The following GRIP1 variants were observed in gnomAD, a reference collection of about 807,000 sequenced individuals.
GRIP1 encodes glutamate receptor interacting protein 1.
GRIP1 carries 45 observed loss-of-function variants against 129.9 expected under a neutral mutation model. That is an observed-to-expected ratio of 0.35 (90% confidence interval 0.27 to 0.44). The LOEUF (loss-of-function observed/expected upper bound fraction) is 0.44. Ranked by LOEUF, GRIP1 falls within the 20% of genes least tolerant of loss-of-function variation. The pLI is 1.00. For missense variants in GRIP1, 1,196 were observed against 1,396.8 expected (o/e 0.86, Z 2.29); for synonymous variants, 530 against 520.8 (o/e 1.02, Z -0.24).
intron 1 of GRIP1, among the ~76,000 whole-genome samples, chr12:66,765,885 G>A (rs575615536): frequency 6.6e-6 from 1 of 152,310 alleles, no homozygotes; most frequent in South Asian, 2.1e-4. Flanking sequence ...AAGATGGGAG[G>A]AGAATGAACC....
intron 1 of GRIP1, among the ~76,000 whole-genome samples, chr12:66,604,172 G>C (rs561858878): frequency 6.6e-6 from 1 of 152,162 alleles, no homozygotes; most frequent in Non-Finnish European, 1.5e-5. Flanking sequence ...ACAGAACTGC[G>C]ATGGCCCCGG....
chr12:66,715,128 T>G (rs1291643417), intron 1 of GRIP1, among the ~76,000 whole-genome samples: 2 of 152,002 alleles, frequency 1.3e-5, no homozygotes, highest in African/African-American at 4.8e-5. Flanking sequence ...CCTTCTAACT[T>G]CTCAGCTGAA....
At position 66,602,848 on chromosome 12, in the gene GRIP1, C is replaced by CTTTTTTTTTTTTT. The variant is rs71436016; in HGVS notation, c.56-5934_56-5922dup. On this transcript the variant is annotated intron_variant, in intron 1 of 24. Coordinates refer to ENST00000359742, the MANE Select transcript of GRIP1 (RefSeq NM_001366722.1). ...ATTCCTAAAGGGACCAGATCTTTTG[C>CTTTTTTTTTTTTT]TTTTTTTTTTTTTTTTTTTTTTTTT... is the stretch of plus-strand genomic sequence containing the variant. 9.8e-5 allele frequency among the ~76,000 whole-genome samples: 7 copies of CTTTTTTTTTTTTT among 71,662 alleles called. 2 individuals are homozygous for CTTTTTTTTTTTTT. The highest frequency in any genetic ancestry group is 1.7e-4 in the Non-Finnish European group (6 of 35,824). The allele number at this position is 71,662 out of a possible 152,430, so 47.0% of individuals were successfully genotyped here. A position where few individuals can be genotyped will look rare whatever the true frequency, so the allele number is the denominator to read the frequency against.
intron 1 of GRIP1, among the ~76,000 whole-genome samples, chr12:66,803,428 T>C (rs2038912766): frequency 6.6e-6 from 1 of 152,218 alleles, no homozygotes; most frequent in Non-Finnish European, 1.5e-5. Context: ...AGAAAACTGC[T>C]AGTTCTCTTC....
At chr12:66,755,004 C>T (rs898222535) in intron 1 of GRIP1, among the ~76,000 whole-genome samples, 2 of 152,180 alleles carry the variant, frequency 1.3e-5, no homozygotes, top group East Asian at 1.9e-4. Context: ...TCTAAAATGC[C>T]ATTATATCTT....
In GRIP1 at chr12:66,894,168, G is replaced by C. The variant is rs528925269; in HGVS notation, c.58+174882C>G. Among the ~76,000 whole-genome samples, 10 of 152,228 alleles carry C rather than the reference G, an allele frequency of 6.6e-5. No homozygotes were observed. In the South Asian group the frequency reaches 8.3e-4, roughly 13 times the overall value. On this transcript the variant is annotated intron_variant, in intron 1 of 1. Coordinates refer to the GRIP1 transcript ENST00000643019. ...TTTCCTGTTTTATTTTATCCAGAAA[G>C]GACACATTTAAAAGTCTTTCTCCAA...
rs553240879 is a variant in GRIP1 at position 66,467,818 on chromosome 12, T to C, written c.725-2396A>G. ...ACATTATCTTTCTAGAACTTTAGAA[T>C]GACTAATTTTGATTTCTCAAACCCA... On this transcript the variant is annotated intron_variant, in intron 7 of 24. Transcript: ENST00000359742. Among the ~76,000 whole-genome samples the C allele has an allele frequency of 3.7e-4, 56 of 152,380 alleles. 1 individual carries two copies. In the South Asian group the frequency reaches 0.011, roughly 30 times the overall value.
At chr12:66,461,733 T>A (rs991498754) in intron 9 of GRIP1, among the ~76,000 whole-genome samples, 8 of 152,028 alleles carry the variant, frequency 5.3e-5, no homozygotes, top group Non-Finnish European at 1.2e-4. Flanking sequence ...GGTCCCTCTT[T>A]CCCCCCGCCC....
At chr12:67,029,762 T>C (rs2042994191) in intron 1 of GRIP1, among the ~76,000 whole-genome samples, 1 of 152,102 alleles carries the variant, frequency 6.6e-6, no homozygotes, top group African/African-American at 2.4e-5. Flanking sequence ...GATGGAAACC[T>C]TAACTAGTGA....
intron 1 of GRIP1, among the ~76,000 whole-genome samples, chr12:66,648,001 T>C (rs1343561237): frequency 1.3e-5 from 2 of 152,242 alleles, no homozygotes; most frequent in African/African-American, 2.4e-5. Context: ...TGCACTAGCA[T>C]AGCCATTTCA....
At chr12:66,816,578 G>GTAAGTCCTC (rs2039222947) in intron 1 of GRIP1, among the ~76,000 whole-genome samples, 1 of 152,104 alleles carries the variant, frequency 6.6e-6, no homozygotes, top group Non-Finnish European at 1.5e-5. Flanking sequence ...CCAACCTTAT[G>GTAAGTCCTC]TAAGTCCTCT....
chr12:66,554,013 G>A (rs2062231678), intron 2 of GRIP1, among the ~76,000 whole-genome samples: 1 of 152,160 alleles, frequency 6.6e-6, no homozygotes, highest in Non-Finnish European at 1.5e-5. Flanking sequence ...GCAAGTCCTA[G>A]TGCTGTGCTG....
intron 11 of GRIP1, 83 bp from the exon 12 acceptor site, chr12:66,445,591 T>C: frequency 1.0e-6 from 1 of 993,874 alleles, no homozygotes; most frequent in Non-Finnish European, 1.5e-6. Context: ...ATCATGTCTC[T>C]GCATAAAAAC....
chr12:66,561,796 T>A (rs915295552), intron 2 of GRIP1, among the ~76,000 whole-genome samples: 3 of 152,280 alleles, frequency 2.0e-5, no homozygotes, highest in South Asian at 4.2e-4. Flanking sequence ...TTTTATTTGC[T>A]GCTAAGAAAG....
chr12:67,046,906 C>T (rs988630825), intron 1 of GRIP1, among the ~76,000 whole-genome samples: 6 of 152,104 alleles, frequency 3.9e-5, no homozygotes, highest in African/African-American at 1.4e-4. Flanking sequence ...ATTTTTAGAA[C>T]TTGAATTATA....
chr12:66,479,506 T>A (rs889167428), intron 7 of GRIP1, among the ~76,000 whole-genome samples: 3 of 152,196 alleles, frequency 2.0e-5, no homozygotes, highest in African/African-American at 7.2e-5. Flanking sequence ...GAGGAGCTGG[T>A]ACCATTCCTT....
At chr12:66,965,444 G>C (rs2137549611) in intron 1 of GRIP1, among the ~76,000 whole-genome samples, 1 of 151,948 alleles carries the variant, frequency 6.6e-6, no homozygotes, top group Admixed American at 6.6e-5. Flanking sequence ...CAATATGGTA[G>C]ATCTTCAGTC....
rs1209607076 is a variant in GRIP1 at position 66,348,457 on chromosome 12, T to C, written c.*562A>G. 6.3e-6 allele frequency: 1 copy of C among 157,824 alleles called. No individual in the cohort carries two copies. Among genetic ancestry groups the C allele is most frequent in the African/African-American group, 2.4e-5 (1 of 41,468 alleles). 9.8% of individuals were successfully genotyped at this position (157,824 alleles called of 1,614,324 possible). Reference sequence around the variant, plus strand: ...GCAAAACATTTACCACCACCTATTATGGTCTCCTACGTGCATCATTGCTGA... The same window carrying C: ...GCAAAACATTTACCACCACCTATTACGGTCTCCTACGTGCATCATTGCTGA... On this transcript the variant is annotated 3_prime_UTR_variant, in exon 25 of 25. Coordinates refer to ENST00000359742, the MANE Select transcript of GRIP1 (RefSeq NM_001366722.1).
At chr12:67,052,969 A>G (rs1008044403) in intron 1 of GRIP1, among the ~76,000 whole-genome samples, 1 of 152,210 alleles carries the variant, frequency 6.6e-6, no homozygotes, top group Non-Finnish European at 1.5e-5. Flanking sequence ...TCTCTATCCT[A>G]AAATCAAGCT....
Sources: gnomAD v4.1 joint callset for allele counts (sites outside exome capture counted in the v4.1 genomes callset) on GRCh38, gnomAD v4.1.1 for gene constraint, MANE v1.5 for transcripts, NCBI Gene and HGNC (gene_info 2026-07-23, HGNC 2026-07-21) for gene names.